PCDHGB5: variants seen among roughly 807,000 people sequenced by gnomAD.
PCDHGB5 encodes protocadherin gamma-B5.
PCDHGB5 carries 48 observed loss-of-function variants against 62.9 expected under a neutral mutation model. The observed-to-expected ratio is 0.76, with a 90% CI of 0.61 to 0.97. PCDHGB5 has a LOEUF of 0.97. Ranked by LOEUF, PCDHGB5 falls within the 50% of genes least tolerant of loss-of-function variation. The probability of loss-of-function intolerance (pLI) is 0.00; values close to 1 mark genes in which losing one functional copy is unlikely to be tolerated. For missense variants in PCDHGB5, 1,118 were observed against 1,198.6 expected, an observed-to-expected ratio of 0.93 and a Z score of 0.99; for synonymous variants, 474 against 511.2, an observed-to-expected ratio of 0.93 and a Z score of 0.98.
At position 141,419,598 on chromosome 5, in the gene PCDHGB5, G is replaced by A. The variant is rs1466867194; in HGVS notation, c.2397+19074G>A. On this transcript the variant is annotated intron_variant, in intron 1 of 3. Transcript: ENST00000617380. ...TCCGCGCTCTTCGACACAGTGCCGC[G>A]GGCCGCGCAGCCAGGCTACCTGGTG... 21 of 1,611,674 alleles carry A rather than the reference G, an allele frequency of 1.3e-5. No individual in the cohort carries two copies. In the South Asian group the frequency reaches 1.3e-4, roughly 10 times the overall value.
chr5:141,465,501 C>T (rs1044567555), intron 1 of PCDHGB5, among the ~76,000 whole-genome samples: 1 of 152,164 alleles, frequency 6.6e-6, no homozygotes, highest in Non-Finnish European at 1.5e-5. Context: ...GGAGCATTGT[C>T]GTGGTCAGGA....
intron 1 of PCDHGB5, among the ~76,000 whole-genome samples, chr5:141,446,247 A>T (rs969960822): frequency 6.6e-6 from 1 of 152,160 alleles, no homozygotes; most frequent in African/African-American, 2.4e-5. Context: ...GTAGATCTTC[A>T]GTGAAATATT....
chr5:141,431,215 CCCTCTACCCCACG>C lies in PCDHGB5; in HGVS notation c.2397+30695_2397+30707del. The C allele has an allele frequency of 6.2e-7, 1 of 1,614,184 alleles. No homozygotes were observed. Among genetic ancestry groups the C allele is most frequent in the Non-Finnish European group, 8.5e-7 (1 of 1,180,048 alleles). On this transcript the variant is annotated intron_variant, in intron 1 of 3. Transcript: ENST00000617380. The surrounding 1 kb of genome is among the most constrained non-coding windows in gnomAD (Gnocchi z 4.8). ...AAAATGCAGCCACTGAGATGCGGTT[CCCTCTACCCCACG>C]CCTGGGATCCGGATATCGGGAAGAA... is the stretch of plus-strand genomic sequence containing the variant.
At chr5:141,496,050 G>A (rs1232836015) in intron 2 of PCDHGB5, among the ~76,000 whole-genome samples, 2 of 149,892 alleles carry the variant, frequency 1.3e-5, no homozygotes, top group Non-Finnish European at 3.0e-5. Flanking sequence ...ATTTTTTTGT[G>A]CTTGTGGGCA....
Position 141,489,898 on chromosome 5 carries a change from C to T in PCDHGB5, c.2398-4909C>T. On this transcript the variant is annotated intron_variant, in intron 1 of 3. Transcript: ENST00000617380. The surrounding 1 kb of genome is among the most constrained non-coding windows in gnomAD (Gnocchi z 4.5). ...GCTTACTGCTGTGGATGGGGGGACC[C>T]CAGCCCGCTCAGGGACCACCCTTAT... 6.2e-7 allele frequency: 1 copy of T among 1,614,216 alleles called. No homozygotes were observed. Among genetic ancestry groups the T allele is most frequent in the Non-Finnish European group, 8.5e-7 (1 of 1,180,036 alleles).
At chr5:141,425,214 A>G (rs999893857) in intron 1 of PCDHGB5, among the ~76,000 whole-genome samples, 2 of 152,178 alleles carry the variant, frequency 1.3e-5, no homozygotes, top group Non-Finnish European at 2.9e-5. Context: ...AAGGCATTGT[A>G]CTTTGACTGG....
rs754178145 is a variant in PCDHGB5 at position 141,489,423 on chromosome 5, C to G, written c.2398-5384C>G. On this transcript the variant is annotated intron_variant, in intron 1 of 3. Transcript: ENST00000617380. The surrounding 1 kb of genome is among the most constrained non-coding windows in gnomAD (Gnocchi z 4.5). ...GCTTAAAGATGACAGATCTGTTGAG[C>G]CGGCGGCTGCAATTGGGCTCTGAGG... 3 of 1,614,098 alleles carry G rather than the reference C, an allele frequency of 1.9e-6. No individual in the cohort carries two copies. The highest frequency in any genetic ancestry group is 1.7e-5 in the Admixed American group (1 of 60,020).
rs1340692426 is a variant in PCDHGB5 at position 141,485,025 on chromosome 5, A to C, written c.2398-9782A>C. ...CAAATCTACCCCGCCACCAGCAAAAACGGCGCGTAACCCTTGCGGCGCCGG... is the reference window on the plus strand; with the variant it reads ...CAAATCTACCCCGCCACCAGCAAAACCGGCGCGTAACCCTTGCGGCGCCGG... On this transcript the variant is annotated intron_variant, in intron 1 of 3. Transcript: ENST00000617380. This position sits in a 1 kb window ranked among gnomAD's most constrained non-coding sequence, Gnocchi z 5.7. 2 of 657,796 alleles carry C rather than the reference A, an allele frequency of 3.0e-6. No homozygotes were observed. The highest frequency in any genetic ancestry group is 5.4e-6 in the Non-Finnish European group (2 of 369,210). The allele number at this position is 657,796 out of a possible 1,614,324, so 40.7% of individuals were successfully genotyped here.
intron 1 of PCDHGB5, chr5:141,409,213 C>A (rs1379007048): frequency 6.2e-7 from 1 of 1,613,994 alleles, no homozygotes; most frequent in East Asian, 2.2e-5. Context: ...TCATAGAAAT[C>A]CTTGATGAAA....
At chr5:141,501,103 G>A (rs1449600108) in intron 2 of PCDHGB5, among the ~76,000 whole-genome samples, 9 of 152,078 alleles carry the variant, frequency 5.9e-5, no homozygotes, top group African/African-American at 1.4e-4. Context: ...TCTTGACCTC[G>A]TGATCCGCCT....
chr5:141,415,147 C>T (rs779194230), intron 1 of PCDHGB5: 17 of 1,613,668 alleles, frequency 1.1e-5, no homozygotes, highest in African/African-American at 1.3e-5. Context: ...CCAGCCCCCT[C>T]TCTCCGCCAC....
At position 141,510,842 on chromosome 5, in the gene PCDHGB5, G is replaced by A. The variant is rs531098325; in HGVS notation, c.2546-105G>A. 8.7e-5 allele frequency: 138 copies of A among 1,590,280 alleles called. No homozygotes were observed. The African/African-American group carries it at 1.7e-3, about 19-fold the overall frequency. ...TATTCCCAGTGCTCAGCGTGGTCAA[G>A]GCCCAGGGTGCTGTATAGGCATTCA... On this transcript the variant is annotated intron_variant, in intron 3 of 3. Coordinates refer to ENST00000617380, the MANE Select transcript of PCDHGB5 (RefSeq NM_018925.3).
At position 141,431,493 on chromosome 5, in the gene PCDHGB5, C is replaced by G. The variant is rs1281626711; in HGVS notation, c.2397+30969C>G. On this transcript the variant is annotated intron_variant, in intron 1 of 3. Transcript: ENST00000617380. The surrounding 1 kb of genome is among the most constrained non-coding windows in gnomAD (Gnocchi z 4.8). ...GACAACGCACCAGCGTTTGCTCAGC[C>G]CGAGTACCGCGCGAGCGTTCCGGAG... 1 of 1,613,994 alleles carries G rather than the reference C, an allele frequency of 6.2e-7. No individual in the cohort carries two copies. The highest frequency in any genetic ancestry group is 8.5e-7 in the Non-Finnish European group (1 of 1,180,042).
In PCDHGB5 at chr5:141,399,008, G is replaced by A. The variant is rs2093737383; in HGVS notation, c.881G>A (p.Ser294Asn). ...TGQIFSLNSKSGEITTQKKLD... is the reference protein window; with the variant it reads ...TGQIFSLNSKNGEITTQKKLD... ...CAAATCTTTAGTCTGAATTCAAAGA[G>A]CGGAGAAATTACCACTCAAAAGAAA... Residue 294 changes from serine (S) to asparagine (N), a missense_variant, in exon 1 of 4, where the codon AGC (serine) becomes AAC (asparagine). Ser to Asn is a conservative substitution (Grantham distance 46). Transcript: ENST00000617380. 2.5e-6 allele frequency: 4 copies of A among 1,613,904 alleles called. No homozygotes were observed. The highest frequency in any genetic ancestry group is 1.3e-5 in the African/African-American group (1 of 75,068).
intron 1 of PCDHGB5, chr5:141,410,184 A>G: frequency 6.2e-7 from 1 of 1,613,918 alleles, no homozygotes; most frequent in Non-Finnish European, 8.5e-7. Flanking sequence ...GCCACGCTTC[A>G]TCTGGTCTTC....
rs368407532 is a variant in PCDHGB5, at chr5:141,399,317, C to T, written c.1190C>T (p.Ser397Leu). The T allele has an allele frequency of 2.0e-5, 33 of 1,613,814 alleles. No individual in the cohort carries two copies. The highest frequency in any genetic ancestry group is 2.8e-5 in the Non-Finnish European group (33 of 1,179,878). The change falls in exon 1 of 4, where the codon TCG becomes TTG. Residue 397 changes from serine (S) to leucine (L), a missense_variant. This residue lies in a region of PCDHGB5 where 1,034 missense variants were observed against 1,029.1 expected (regional missense o/e 1.00). Coordinates refer to ENST00000617380, the MANE Select transcript of PCDHGB5 (RefSeq NM_018925.3). ...AAGATTATCTCTTCATCCAAAAATT[C>T]GTATAAGTTGGTAACAGATGGAACC... ...PFKIISSSKN[S>L]YKLVTDGTLD...
At chr5:141,466,871 T>C (rs1432611218) in intron 1 of PCDHGB5, among the ~76,000 whole-genome samples, 2 of 152,166 alleles carry the variant, frequency 1.3e-5, no homozygotes, top group African/African-American at 4.8e-5. Flanking sequence ...ATCCACACAT[T>C]TTTTTCATAA....
Position 141,444,232 on chromosome 5 carries a change from C to T in PCDHGB5, c.2397+43708C>T, listed in dbSNP as rs1411172798. Among the ~76,000 whole-genome samples the T allele has an allele frequency of 2.5e-5, 3 of 122,350 alleles. No individual in the cohort carries two copies. In the Admixed American group the frequency reaches 3.3e-4, roughly 14 times the overall value. The allele number at this position is 122,350 out of a possible 152,430, so 80.3% of individuals were successfully genotyped here. ...TGTTGCCCAGGCTGGAGTGCAATGG[C>T]ATGCTCTCGGCTCACTGCAACCTCC... is the stretch of plus-strand genomic sequence containing the variant. On this transcript the variant is annotated intron_variant, in intron 1 of 3. Coordinates refer to ENST00000617380, the MANE Select transcript of PCDHGB5 (RefSeq NM_018925.3).
chr5:141,488,705 G>T (rs1024064135), intron 1 of PCDHGB5, among the ~76,000 whole-genome samples: 1 of 152,200 alleles, frequency 6.6e-6, no homozygotes, highest in Non-Finnish European at 1.5e-5. Context: ...AGATTTTGCT[G>T]GTTCAAGCAA....
Sources: allele counts gnomAD v4.1 joint callset (sites outside exome capture counted in the v4.1 genomes callset), GRCh38; gene constraint gnomAD v4.1.1; regional missense constraint gnomAD v4.1.1; non-coding constraint Gnocchi (gnomAD v3.1); transcripts MANE v1.5; gene names NCBI Gene and HGNC (gene_info 2026-07-23, HGNC 2026-07-21).